Variants in EIF4E2 observed in about 807,000 individuals in gnomAD.
EIF4E2 encodes eukaryotic translation initiation factor 4E family member 2.
In EIF4E2, 13 loss-of-function variants were observed where a neutral mutation model predicts 34.2. The observed-to-expected ratio is 0.38, with a 90% CI of 0.25 to 0.60. The LOEUF is 0.60. EIF4E2 is among the 20% of genes least tolerant of loss of function. The probability of loss-of-function intolerance (pLI) is 0.62; values close to 1 mark genes in which losing one functional copy is unlikely to be tolerated. For synonymous variants in EIF4E2, 100 were observed against 106.6 expected, an observed-to-expected ratio of 0.94 and a Z score of 0.38; for missense variants, 222 against 315.1, an observed-to-expected ratio of 0.70 and a Z score of 2.24.
chr2:232,571,168 T>C (rs566390750), downstream of EIF4E2, among the ~76,000 whole-genome samples: 2 of 152,332 alleles, frequency 1.3e-5, no homozygotes, highest in Admixed American at 6.5e-5. Context: ...CTTGTGGCCT[T>C]TTCCTGCTGT....
At chr2:232,551,292 C>A in intron 1 of EIF4E2, 1 of 471,676 alleles carries the variant, frequency 2.1e-6, no homozygotes, top group South Asian at 1.5e-5. Context: ...TTCCTACTTT[C>A]TTTCTCCTCC....
At chr2:232,558,203 T>C (rs1692592262) in intron 3 of EIF4E2, 185 bp downstream of exon 3, 1 of 631,994 alleles carries the variant, frequency 1.6e-6, no homozygotes, top group Admixed American at 3.5e-5. Flanking sequence ...GGTTAGCATG[T>C]AGGTATCAAC....
At chr2:232,580,120 ACACACACACACACT>A (rs1264670281) in intron 6 of EIF4E2, among the ~76,000 whole-genome samples, 8 of 133,792 alleles carry the variant, frequency 6.0e-5, no homozygotes, top group African/African-American at 2.8e-4. Context: ...ACACACACAC[ACACACACACACACT>A]TTCAAGAATT....
chr2:232,568,920 A>T, intron 6 of EIF4E2, 25 bp from the exon 7 acceptor site: 1 of 1,614,082 alleles, frequency 6.2e-7, no homozygotes, highest in Non-Finnish European at 8.5e-7. Flanking sequence ...TCTCCCAATG[A>T]GCCAACCTTT....
At chr2:232,568,211 C>T (rs1693002327) in intron 6 of EIF4E2, 1 of 985,138 alleles carries the variant, frequency 1.0e-6, no homozygotes, top group African/African-American at 1.7e-5. Flanking sequence ...TAGTAGTGAG[C>T]CCAGCAATTA....
chr2:232,571,271 C>T (rs1693085324), downstream of EIF4E2, among the ~76,000 whole-genome samples: 1 of 152,232 alleles, frequency 6.6e-6, no homozygotes, highest in Non-Finnish European at 1.5e-5. Flanking sequence ...TTGTTTATTG[C>T]TGACAGTTCA....
chr2:232,582,201 C>G (rs930860223), exon 7 of EIF4E2: 2 of 152,788 alleles, frequency 1.3e-5, no homozygotes, highest in Admixed American at 1.3e-4. Context: ...CACCGTCTTA[C>G]TTGGCTCTTG....
At position 232,550,808 on chromosome 2, in the gene EIF4E2, C is replaced by T. The variant is rs537131760; in HGVS notation, c.20+64C>T. 42 of 1,441,770 alleles carry T rather than the reference C, an allele frequency of 2.9e-5. No homozygotes were observed. In the African/African-American group the frequency reaches 5.8e-4, roughly 20 times the overall value. The allele number at this position is 1,441,770 out of a possible 1,614,324, so 89.3% of individuals were successfully genotyped here. A position where few individuals can be genotyped will look rare whatever the true frequency, so the allele number is the denominator to read the frequency against. On this transcript the variant is annotated intron_variant, in intron 1 of 6. Coordinates refer to ENST00000258416, the MANE Select transcript of EIF4E2 (RefSeq NM_004846.4). ...AACAGTTCCCCCGCGCCCGCCCCCGCTGGGGCTGGGGCGGCGCAAACCCTG... is the reference window on the plus strand; with the variant it reads ...AACAGTTCCCCCGCGCCCGCCCCCGTTGGGGCTGGGGCGGCGCAAACCCTG...
At chr2:232,578,180 TTC>T (rs1488947039) in intron 6 of EIF4E2, among the ~76,000 whole-genome samples, 2 of 152,230 alleles carry the variant, frequency 1.3e-5, no homozygotes, top group Non-Finnish European at 2.9e-5. Flanking sequence ...CCATTTGCTG[TTC>T]TGTTTTCCTC....
chr2:232,564,156 G>T, intron 3 of EIF4E2, 91 bp from the exon 4 acceptor site: 1 of 806,884 alleles, frequency 1.2e-6, no homozygotes, highest in Non-Finnish European at 2.0e-6. Context: ...TGTCTTCCAT[G>T]CTTATGTTCT....
chr2:232,564,095 C>T, intron 3 of EIF4E2, 152 bp from the exon 4 acceptor site: 1 of 455,372 alleles, frequency 2.2e-6, no homozygotes, highest in Non-Finnish European at 4.0e-6. Flanking sequence ...TCTTCCCTCA[C>T]AACACCACAC....
exon 7 of EIF4E2, chr2:232,582,948 G>A (rs1413268314): frequency 6.6e-6 from 1 of 152,168 alleles, no homozygotes; most frequent in African/African-American, 2.4e-5. Context: ...TAGAGCAAGG[G>A]GTTATGCCTG....
In EIF4E2 at chr2:232,568,940, A is replaced by G. The variant is rs372350846; in HGVS notation, c.666-5A>G. ...CAATGAGCCAACCTTTTGCACTTCC[A>G]CTAGAATGCCAGGCAGGCTGGGCCC... is the stretch of plus-strand genomic sequence containing the variant. On this transcript the variant is annotated splice_polypyrimidine_tract_variant and splice_region_variant and intron_variant, in intron 6 of 6. Transcript: ENST00000258416. The G allele has an allele frequency of 4.8e-5, 78 of 1,613,896 alleles. 1 individual carries two copies. In the African/African-American group the frequency reaches 6.4e-4, roughly 13 times the overall value.
intron 3 of EIF4E2, among the ~76,000 whole-genome samples, chr2:232,559,449 A>ATAAATAAGT (rs1553582404): frequency 2.6e-5 from 4 of 151,316 alleles, no homozygotes; most frequent in African/African-American, 9.7e-5. Flanking sequence ...AAAAAATAAA[A>ATAAATAAGT]AAATAAAATA....
chr2:232,567,290 T>C (rs189317158), intron 6 of EIF4E2, 76 bp downstream of exon 6: 1 of 1,591,672 alleles, frequency 6.3e-7, no homozygotes, highest in South Asian at 1.1e-5. Context: ...CCCAGAGGAA[T>C]ATGGCCGGAC....
In EIF4E2 at chr2:232,576,202, C is replaced by CAA. The variant is rs34773569; in HGVS notation, c.666-4692_666-4691dup. 1.3e-3 allele frequency among the ~76,000 whole-genome samples: 198 copies of CAA among 147,730 alleles called. 1 individual carries two copies. Among genetic ancestry groups the CAA allele is most frequent in the African/African-American group, 3.0e-3 (120 of 40,172 alleles). The stretch of plus-strand genomic sequence containing the variant: ...CTGGCAACAGAGCGAGACTCCATCT[C>CAA]AAAAAAAAAAACTGGGGATGCTTAC... On this transcript the variant is annotated intron_variant, in intron 6 of 6. Coordinates refer to the EIF4E2 transcript ENST00000409098.
At chr2:232,568,277 G>A in intron 6 of EIF4E2, 3 of 985,354 alleles carry the variant, frequency 3.0e-6, no homozygotes, top group Non-Finnish European at 3.6e-6. Flanking sequence ...TAGATAATGT[G>A]GAGTGGAGTT....
At chr2:232,552,750 C>G (rs1443599449) in intron 1 of EIF4E2, among the ~76,000 whole-genome samples, 4 of 151,800 alleles carry the variant, frequency 2.6e-5, no homozygotes. Context: ...GAATTATTAA[C>G]TATTGTATTG....
chr2:232,582,153 A>G (rs574267917), exon 7 of EIF4E2: 1 of 152,778 alleles, frequency 6.5e-6, no homozygotes, highest in Non-Finnish European at 1.5e-5. Flanking sequence ...TAGGATTCAA[A>G]TAAATAGCGT....
Sources: gnomAD v4.1 joint callset for allele counts (sites outside exome capture counted in the v4.1 genomes callset) on GRCh38, gnomAD v4.1.1 for gene constraint, MANE v1.5 for transcripts, NCBI Gene and HGNC (gene_info 2026-07-23, HGNC 2026-07-21) for gene names.